PRLR: variants seen among roughly 807,000 people sequenced by gnomAD.
The protein encoded by PRLR is prolactin receptor.
A neutral mutation model predicts 40.2 loss-of-function variants in PRLR; 13 were observed. The observed-to-expected ratio is 0.32, with a 90% CI of 0.21 to 0.51. PRLR has a LOEUF of 0.51. Ranked by LOEUF, PRLR falls within the 20% of genes least tolerant of loss-of-function variation. The pLI, the probability that PRLR is intolerant of heterozygous loss-of-function variation, is 0.97. For synonymous variants in PRLR, 269 were observed against 278.7 expected, an observed-to-expected ratio of 0.97 and a Z score of 0.35; for missense variants, 656 against 747.3, an observed-to-expected ratio of 0.88 and a Z score of 1.42.
chr5:35,208,190 C>T (rs779612915), intron 1 of PRLR, among the ~76,000 whole-genome samples: 16 of 151,862 alleles, frequency 1.1e-4, no homozygotes, highest in Non-Finnish European at 2.1e-4. Context: ...CACACACACA[C>T]ACACACACAC....
At chr5:35,189,157 C>T (rs889925263) in intron 1 of PRLR, among the ~76,000 whole-genome samples, 4 of 152,156 alleles carry the variant, frequency 2.6e-5, no homozygotes, top group Non-Finnish European at 5.9e-5. Flanking sequence ...AGCCAAGTAA[C>T]ACTAAGGATG....
chr5:35,215,271 A>G (rs1275732189), intron 1 of PRLR, among the ~76,000 whole-genome samples: 1 of 152,226 alleles, frequency 6.6e-6, no homozygotes, highest in Non-Finnish European at 1.5e-5. Context: ...GTGAAGTACA[A>G]GAAGGGTGTG....
Position 35,089,621 on chromosome 5 carries a change from G to A in PRLR, c.-1C>T, listed in dbSNP as rs750068092. 1.9e-6 allele frequency: 3 copies of A among 1,613,996 alleles called. No homozygotes were observed. In the South Asian group the frequency reaches 3.3e-5, roughly 18 times the overall value. On this transcript the variant is annotated 5_prime_UTR_variant, in exon 3 of 10. Coordinates refer to ENST00000618457, the MANE Select transcript of PRLR (RefSeq NM_000949.7). ...TTGCAGATGCCACATTTTCCTTCAT[G>A]TTGGCTGCCTTCTCTTGCTGCAGGA...
chr5:35,180,760 G>C (rs1775275685), intron 1 of PRLR, among the ~76,000 whole-genome samples: 2 of 151,998 alleles, frequency 1.3e-5, no homozygotes, highest in South Asian at 4.2e-4. Flanking sequence ...GACAGGCCCT[G>C]GTGTGTGAGG....
rs764197487 is a variant in PRLR at position 35,118,096 on chromosome 5, G to A, written c.-79C>T. 8.1e-6 allele frequency: 8 copies of A among 985,428 alleles called. No homozygotes were observed. The highest frequency in any genetic ancestry group is 3.6e-6 in the Non-Finnish European group (3 of 829,798). The allele number at this position is 985,428 out of a possible 1,614,324, so 61.0% of individuals were successfully genotyped here. On this transcript the variant is annotated 5_prime_UTR_variant, in exon 2 of 10. The change creates a premature stop within an existing upstream ORF in the 5' untranslated region. Transcript: ENST00000618457. Reference sequence around the variant, plus strand: ...CATGTGGAAAGCATCCTCAGTGTTCGCCTCCATGAATAGGAGAGTTCTTTA... The same window carrying A: ...CATGTGGAAAGCATCCTCAGTGTTCACCTCCATGAATAGGAGAGTTCTTTA...
intron 1 of PRLR, among the ~76,000 whole-genome samples, chr5:35,155,654 C>G (rs773192743): frequency 2.5e-4 from 38 of 152,112 alleles, no homozygotes; most frequent in African/African-American, 9.2e-4. Flanking sequence ...ACCTTTAAGA[C>G]ATAGAAAGTG....
rs1048726575 is a variant in PRLR, at chr5:35,155,492, AG to A, written c.-105-37371del. Among the ~76,000 whole-genome samples, 156 of 152,322 alleles carry A rather than the reference AG, an allele frequency of 1.0e-3. 1 individual carries two copies. The highest frequency in any genetic ancestry group is 5.8e-4 in the East Asian group (3 of 5,194). On this transcript the variant is annotated intron_variant, in intron 1 of 9. Transcript: ENST00000618457. Reference sequence around the variant, plus strand: ...AAAAACCCATCGACTATTGGGAGCAAGGAAGAACAATGAATAAGGGTATGAA... The same window carrying A: ...AAAAACCCATCGACTATTGGGAGCAAGAAGAACAATGAATAAGGGTATGAA...
intron 1 of PRLR, among the ~76,000 whole-genome samples, chr5:35,141,559 C>A (rs75433606): frequency 0.03 from 4,619 of 152,200 alleles, 89 homozygotes; most frequent in Non-Finnish European, 0.045. Context: ...TTCTTGCTAT[C>A]TTGAAACAAA....
intron 1 of PRLR, among the ~76,000 whole-genome samples, chr5:35,189,630 C>T (rs1775546150): frequency 6.6e-6 from 1 of 151,294 alleles, no homozygotes; most frequent in African/African-American, 2.4e-5. Flanking sequence ...AGAATTCTAA[C>T]ACTATCAACA....
In PRLR at chr5:35,072,670, T is replaced by A; in HGVS notation, c.448A>T (p.Lys150Ter). The change falls in exon 6 of 10, where the codon AAA (lysine) becomes TAA (stop). Residue 150 changes from lysine (K) to a stop codon, truncating the protein, a stop_gained. Coordinates refer to ENST00000618457, the MANE Select transcript of PRLR (RefSeq NM_000949.7). LOFTEE classifies it high-confidence loss of function. ...PEDRKPYLWIKWSPPTLIDLK... is the reference protein window; with the variant it reads ...PEDRKPYLWI ...TCAATCAGGGTAGGTGGAGACCATT[T>A]AATCCACAGGTAGGGTTTTCTGTCT... The A allele has an allele frequency of 6.2e-7, 1 of 1,614,222 alleles. No individual in the cohort carries two copies. Among genetic ancestry groups the A allele is most frequent in the Non-Finnish European group, 8.5e-7 (1 of 1,180,020 alleles).
intron 2 of PRLR, among the ~76,000 whole-genome samples, chr5:35,092,580 G>A (rs1771281223): frequency 6.6e-6 from 1 of 152,014 alleles, no homozygotes; most frequent in Non-Finnish European, 1.5e-5. Flanking sequence ...AGTCCACCCT[G>A]CATTGCACTC....
At chr5:35,135,816 C>T (rs760411453) in intron 1 of PRLR, among the ~76,000 whole-genome samples, 1 of 152,212 alleles carries the variant, frequency 6.6e-6, no homozygotes, top group South Asian at 2.1e-4. Context: ...GTGACATTGA[C>T]TCCCTACTGG....
chr5:35,219,978 A>G (rs1776375723), intron 1 of PRLR, among the ~76,000 whole-genome samples: 1 of 152,018 alleles, frequency 6.6e-6, no homozygotes, highest in African/African-American at 2.4e-5. Context: ...ATACCTCCAA[A>G]TTCCATCCTG....
intron 2 of PRLR, among the ~76,000 whole-genome samples, chr5:35,107,851 G>C (rs1168513550): frequency 6.6e-6 from 1 of 152,104 alleles, no homozygotes; most frequent in Admixed American, 6.6e-5. Flanking sequence ...AGAAAAAGAG[G>C]GAATCCTCCC....
At chr5:35,077,502 A>G (rs1327948438) in intron 5 of PRLR, among the ~76,000 whole-genome samples, 1 of 151,764 alleles carries the variant, frequency 6.6e-6, no homozygotes, top group African/African-American at 2.4e-5. Context: ...AGGAAGTGCT[A>G]ACTATCCTAA....
chr5:35,076,199 C>T (rs1045461380), intron 5 of PRLR, among the ~76,000 whole-genome samples: 10 of 152,180 alleles, frequency 6.6e-5, no homozygotes, highest in African/African-American at 4.8e-5. Flanking sequence ...ATGACTTTGA[C>T]GAGCTGAGAG....
At chr5:35,144,438 T>A in intron 1 of PRLR, among the ~76,000 whole-genome samples, 1 of 151,990 alleles carries the variant, frequency 6.6e-6, no homozygotes, top group Admixed American at 6.6e-5. Context: ...TTTAAGTAAT[T>A]TTTTATTTTA....
intron 1 of PRLR, among the ~76,000 whole-genome samples, chr5:35,173,229 A>G (rs1775052049): frequency 6.6e-6 from 1 of 152,214 alleles, no homozygotes; most frequent in Non-Finnish European, 1.5e-5. Flanking sequence ...ACACCCACAT[A>G]CATGTTGGCT....
At chr5:35,188,015 T>C (rs559377113) in intron 1 of PRLR, among the ~76,000 whole-genome samples, 3 of 152,320 alleles carry the variant, frequency 2.0e-5, no homozygotes, top group East Asian at 3.9e-4. Context: ...TCATTTTCCC[T>C]TGGCAGCTCA....
Sources: gnomAD v4.1 joint callset for allele counts (sites outside exome capture counted in the v4.1 genomes callset) on GRCh38, gnomAD v4.1.1 for gene constraint, MANE v1.5 for transcripts, NCBI Gene and HGNC (gene_info 2026-07-23, HGNC 2026-07-21) for gene names.